The following SEC14L4 variants were observed in gnomAD, a reference collection of about 807,000 sequenced individuals.
The protein encoded by SEC14L4 is SEC14-like protein 4.
SEC14L4 carries 42 observed loss-of-function variants against 55.1 expected under a neutral mutation model. The ratio of observed to expected loss-of-function variants is 0.76; its 90% confidence interval spans 0.60 to 0.99. The LOEUF is 0.99. SEC14L4 is among the 50% of genes least tolerant of loss of function. The pLI is 0.00. For synonymous variants in SEC14L4, 206 were observed against 206.8 expected, an observed-to-expected ratio of 1.00 and a Z score of 0.03; for missense variants, 445 against 512.1, an observed-to-expected ratio of 0.87 and a Z score of 1.27.
At chr22:30,494,831 G>T in intron 6 of SEC14L4, 35 bp downstream of exon 6, 1 of 1,416,888 alleles carries the variant, frequency 7.1e-7, no homozygotes, top group Non-Finnish European at 1.0e-6. Flanking sequence ...GGGAGCCACT[G>T]CCCACACCAG....
Position 30,495,972 on chromosome 22 carries a change from C to G in SEC14L4, c.131-1G>C, listed in dbSNP as rs900176705. 1 of 1,613,618 alleles carries G rather than the reference C, an allele frequency of 6.2e-7. No individual in the cohort carries two copies. Among genetic ancestry groups the G allele is most frequent in the African/African-American group, 1.3e-5 (1 of 74,914 alleles). On this transcript the variant is annotated splice_acceptor_variant, in intron 2 of 11. Coordinates refer to ENST00000255858, the MANE Select transcript of SEC14L4 (RefSeq NM_174977.4). LOFTEE classifies it high-confidence loss of function. Reference sequence around the variant, plus strand: ...GATTTCTGCAGGTCAAAGTTTCGAGCTGCAAGAAGAGGAGGTAAATAGAAG... The same window carrying G: ...GATTTCTGCAGGTCAAAGTTTCGAGGTGCAAGAAGAGGAGGTAAATAGAAG...
At chr22:30,497,008 T>C (rs1178114975) in intron 2 of SEC14L4, among the ~76,000 whole-genome samples, 4 of 152,148 alleles carry the variant, frequency 2.6e-5, no homozygotes, top group Non-Finnish European at 5.9e-5. Context: ...TCAGATGCTA[T>C]CCAGGCCTCC....
At chr22:30,497,090 G>A (rs866014594) in intron 2 of SEC14L4, among the ~76,000 whole-genome samples, 20 of 152,112 alleles carry the variant, frequency 1.3e-4, no homozygotes, top group African/African-American at 4.6e-4. Context: ...TGTAATTCCA[G>A]CACTTTGGGA....
chr22:30,494,423 A>G (rs1936071233), intron 6 of SEC14L4, among the ~76,000 whole-genome samples: 3 of 152,174 alleles, frequency 2.0e-5, no homozygotes, highest in South Asian at 4.1e-4. Context: ...GGTGGAGTAT[A>G]GTGGCACAAT....
chr22:30,495,126 G>T (rs1936096763), intron 5 of SEC14L4, 128 bp downstream of exon 5: 1 of 1,013,326 alleles, frequency 9.9e-7, no homozygotes, highest in East Asian at 2.6e-5. Flanking sequence ...GTGGGTAAGG[G>T]TGGGAGAAGC....
chr22:30,498,537 T>TAG (rs1479723825), intron 2 of SEC14L4, among the ~76,000 whole-genome samples: 8 of 152,232 alleles, frequency 5.3e-5, no homozygotes, highest in Non-Finnish European at 1.0e-4. Flanking sequence ...CTAGTCTTTC[T>TAG]ACCAATTGAT....
chr22:30,505,447 T>C lies in SEC14L4; in HGVS notation c.54+111A>G, dbSNP rs1335865362. 4 of 1,147,018 alleles carry C rather than the reference T, an allele frequency of 3.5e-6. No homozygotes were observed. In the East Asian group the frequency reaches 1.0e-4, roughly 29 times the overall value. The allele number at this position is 1,147,018 out of a possible 1,614,324, so 71.1% of individuals were successfully genotyped here. A position where few individuals can be genotyped will look rare whatever the true frequency, so the allele number is the denominator to read the frequency against. ...GGACCAGAGGGCAGAACAGAGGCGC[T>C]CTCTCCAGGCTCGGTGTTCCAGTCT... On this transcript the variant is annotated intron_variant, in intron 1 of 11. Coordinates refer to ENST00000255858, the MANE Select transcript of SEC14L4 (RefSeq NM_174977.4).
At position 30,490,200 on chromosome 22, in the gene SEC14L4, C is replaced by G; in HGVS notation, c.1128G>C (p.Lys376Asn). Residue 376 changes from lysine (K) to asparagine (N), a missense_variant, in exon 12 of 12, where the codon AAG becomes AAC. By Grantham distance (94) the Lys-to-Asn change is moderately conservative. Transcript: ENST00000255858. ...GCAGCACCTCCACAGTGTAGCTGAG[C>G]TTCTTGGCATGCATCCGGCTGTAGG... ...DNTYSRMHAK[K>N]LSYTVEVLLP... 6.2e-7 allele frequency: 1 copy of G among 1,614,154 alleles called. No homozygotes were observed. Among genetic ancestry groups the G allele is most frequent in the Non-Finnish European group, 8.5e-7 (1 of 1,180,032 alleles).
chr22:30,495,868 C>T (rs1936132784), intron 3 of SEC14L4, 60 bp downstream of exon 3: 2 of 1,593,614 alleles, frequency 1.3e-6, no homozygotes, highest in Admixed American at 3.4e-5. Flanking sequence ...TACCCTTTTG[C>T]AGCAAATCCC....
At chr22:30,502,700 G>A (rs1002562462) in intron 2 of SEC14L4, among the ~76,000 whole-genome samples, 9 of 152,166 alleles carry the variant, frequency 5.9e-5, no homozygotes, top group Middle Eastern at 3.4e-3. Context: ...ACAGGTGCTC[G>A]GCAGCTCACC....
At chr22:30,496,569 C>A (rs370143276) in intron 2 of SEC14L4, among the ~76,000 whole-genome samples, 2 of 152,118 alleles carry the variant, frequency 1.3e-5, no homozygotes, top group South Asian at 2.1e-4. Flanking sequence ...ACACCCCCCC[C>A]CACCACCTGC....
At chr22:30,503,620 C>T in intron 2 of SEC14L4, 57 bp downstream of exon 2, 1 of 1,319,742 alleles carries the variant, frequency 7.6e-7, no homozygotes, top group Non-Finnish European at 1.1e-6. Flanking sequence ...CACTCCTCTC[C>T]TGAGACCCTC....
chr22:30,500,655 T>G (rs1936289316), intron 2 of SEC14L4, among the ~76,000 whole-genome samples: 1 of 151,308 alleles, frequency 6.6e-6, no homozygotes, highest in African/African-American at 2.4e-5. Flanking sequence ...AGTGAGCCAC[T>G]GTGCCCAGCT....
At chr22:30,501,915 G>A (rs554929668) in intron 2 of SEC14L4, among the ~76,000 whole-genome samples, 3 of 125,844 alleles carry the variant, frequency 2.4e-5, no homozygotes, top group African/African-American at 9.2e-5. Flanking sequence ...GTCTTGCTTT[G>A]TTGTGCAGTG....
At chr22:30,494,340 G>C (rs761782129) in intron 6 of SEC14L4, 130 bp from the exon 7 acceptor site, 15 of 714,856 alleles carry the variant, frequency 2.1e-5, no homozygotes, top group Non-Finnish European at 3.3e-5. Context: ...ACAAGCATGT[G>C]CCTCTTCCTC....
chr22:30,494,818 G>A, intron 6 of SEC14L4, 48 bp downstream of exon 6: 1 of 1,259,014 alleles, frequency 7.9e-7, no homozygotes. Context: ...AGGGCTCACA[G>A]CTGGGAGCCA....
chr22:30,499,134 G>C (rs180898945), intron 2 of SEC14L4, among the ~76,000 whole-genome samples: 2 of 151,790 alleles, frequency 1.3e-5, no homozygotes, highest in Non-Finnish European at 2.9e-5. Context: ...TACTAGAGAC[G>C]GGGTTTCACC....
At position 30,495,908 on chromosome 22, in the gene SEC14L4, T is replaced by C. The variant is rs750856847; in HGVS notation, c.174+20A>G. 6.2e-7 allele frequency: 1 copy of C among 1,613,006 alleles called. No individual in the cohort carries two copies. Among genetic ancestry groups the C allele is most frequent in the East Asian group, 2.2e-5 (1 of 44,882 alleles). ...TCACAGTGCATGGAAGGCAGGGCAG[T>C]AGGGATCACAGATCCTTACCCTTCG... On this transcript the variant is annotated intron_variant, in intron 3 of 11. Transcript: ENST00000255858.
rs1049141683 is a variant in SEC14L4, at chr22:30,491,599, C to A, written c.1055G>T (p.Ser352Ile). 13 of 1,614,062 alleles carry A rather than the reference C, an allele frequency of 8.1e-6. No homozygotes were observed. Among genetic ancestry groups the A allele is most frequent in the South Asian group, 2.2e-5 (2 of 91,086 alleles). The change falls in exon 11 of 12, where the codon AGC (serine) becomes ATC (isoleucine). Residue 352 changes from serine (S) to isoleucine (I), a missense_variant. Physicochemically the swap from Ser to Ile is moderately radical, Grantham distance 142 (BLOSUM62 -2). Coordinates refer to ENST00000255858, the MANE Select transcript of SEC14L4 (RefSeq NM_174977.4). ...GACGCCAGCCTGGAGGCAGGTGAGG[C>A]TCCCATCCTCAGGCACCATGTGGGC... Reference protein sequence around the residue: ...YNAHMVPEDGSLTCLQAGVYV... With the variant: ...YNAHMVPEDGILTCLQAGVYV...
Sources: gnomAD v4.1 joint callset for allele counts (sites outside exome capture counted in the v4.1 genomes callset) on GRCh38, gnomAD v4.1.1 for gene constraint, MANE v1.5 for transcripts, NCBI Gene and HGNC (gene_info 2026-07-23, HGNC 2026-07-21) for gene names.